LRMDA: variants seen among roughly 807,000 people sequenced by gnomAD.
LRMDA encodes leucine rich melanocyte differentiation associated.
LRMDA carries 18 observed loss-of-function variants against 29.8 expected under a neutral mutation model. The observed-to-expected ratio is 0.60, with a 90% CI of 0.42 to 0.90. LRMDA has a LOEUF of 0.90. Among genes scored for constraint, LRMDA ranks in the 40% least tolerant of loss-of-function variants. The pLI, the probability that LRMDA is intolerant of heterozygous loss-of-function variation, is 0.00. For missense variants in LRMDA, 273 were observed against 273.9 expected (o/e 1.00, Z 0.02); for synonymous variants, 125 against 109.4 (o/e 1.14, Z -0.89).
chr10:75,544,694 T>C (rs1049309926), intron 2 of LRMDA, among the ~76,000 whole-genome samples: 8 of 152,200 alleles, frequency 5.3e-5, no homozygotes, highest in Admixed American at 2.6e-4. Flanking sequence ...TTTCTTGTTT[T>C]TTTTTTCTGC....
chr10:76,064,612 C>T (rs749587695), intron 5 of LRMDA, among the ~76,000 whole-genome samples: 1 of 152,134 alleles, frequency 6.6e-6, no homozygotes, highest in Non-Finnish European at 1.5e-5. Flanking sequence ...AACTACACTG[C>T]GTATGTCTTT....
intron 2 of LRMDA, among the ~76,000 whole-genome samples, chr10:75,755,573 A>G (rs1843022109): frequency 6.6e-6 from 1 of 152,260 alleles, no homozygotes; most frequent in African/African-American, 2.4e-5. Flanking sequence ...CTGCTGTGCT[A>G]TGACTTGGGA....
chr10:75,777,560 G>A (rs1282371268), intron 2 of LRMDA, among the ~76,000 whole-genome samples: 1 of 152,228 alleles, frequency 6.6e-6, no homozygotes, highest in African/African-American at 2.4e-5. Context: ...CTGTTTAGGT[G>A]TGTGAGCCAC....
At chr10:76,069,628 G>A (rs1470793332) in intron 5 of LRMDA, among the ~76,000 whole-genome samples, 3 of 150,000 alleles carry the variant, frequency 2.0e-5, no homozygotes, top group East Asian at 1.9e-4. Context: ...TTTTTGAAGT[G>A]GGGGATATGT....
intron 5 of LRMDA, among the ~76,000 whole-genome samples, chr10:76,277,790 C>T (rs1002540114): frequency 1.3e-5 from 2 of 152,172 alleles, no homozygotes; most frequent in Non-Finnish European, 2.9e-5. Flanking sequence ...TCTGTAGCTT[C>T]AGAAAATGGG....
intron 2 of LRMDA, among the ~76,000 whole-genome samples, chr10:75,782,428 T>A (rs1843399016): frequency 6.6e-6 from 1 of 152,208 alleles, no homozygotes; most frequent in Non-Finnish European, 1.5e-5. Context: ...CTTTTATTAT[T>A]ATTTTTTCTT....
chr10:75,788,222 C>T (rs1321982920), intron 2 of LRMDA, among the ~76,000 whole-genome samples: 1 of 152,204 alleles, frequency 6.6e-6, no homozygotes, highest in Non-Finnish European at 1.5e-5. Context: ...ATCAAAATAA[C>T]AGTGGCTTAA....
intron 5 of LRMDA, among the ~76,000 whole-genome samples, chr10:76,138,719 A>G (rs981252002): frequency 1.1e-4 from 16 of 152,288 alleles, no homozygotes; most frequent in African/African-American, 3.6e-4. Flanking sequence ...TACCATTACA[A>G]ATAGATTTAT....
chr10:75,608,129 T>TACACACACAC (rs71477024), intron 2 of LRMDA, among the ~76,000 whole-genome samples: 10 of 89,564 alleles, frequency 1.1e-4, no homozygotes, highest in African/African-American at 3.1e-4. Context: ...TATATATATA[T>TACACACACAC]ACACACACAT....
chr10:75,538,177 AG>A (rs1472767117), intron 2 of LRMDA, among the ~76,000 whole-genome samples: 4 of 152,182 alleles, frequency 2.6e-5, no homozygotes, highest in African/African-American at 9.7e-5. Flanking sequence ...GATACTGATG[AG>A]GCCGCTGCAT....
intron 2 of LRMDA, among the ~76,000 whole-genome samples, chr10:75,912,247 CCTT>C (rs1845855056): frequency 6.6e-6 from 1 of 152,178 alleles, no homozygotes; most frequent in East Asian, 1.9e-4. Context: ...TCACCTAAAT[CCTT>C]CTTCCATCAT....
intron 2 of LRMDA, among the ~76,000 whole-genome samples, chr10:75,569,995 G>T (rs185916597): frequency 4.0e-4 from 61 of 152,322 alleles, no homozygotes; most frequent in Non-Finnish European, 6.9e-4. Flanking sequence ...GGAGACTTTT[G>T]CTTTGCTTTG....
At chr10:76,201,358 G>T (rs147533448) in intron 5 of LRMDA, among the ~76,000 whole-genome samples, 1 of 152,204 alleles carries the variant, frequency 6.6e-6, no homozygotes, top group East Asian at 1.9e-4. Flanking sequence ...CTCCCAAAGT[G>T]CAGGGATTAC....
chr10:76,152,502 G>A (rs941428370), intron 5 of LRMDA, among the ~76,000 whole-genome samples: 10 of 152,030 alleles, frequency 6.6e-5, no homozygotes, highest in African/African-American at 1.2e-4. Context: ...TTTTGTATAC[G>A]TTTTTGTGTG....
At chr10:76,062,391 A>T (rs1361946867) in intron 5 of LRMDA, among the ~76,000 whole-genome samples, 1 of 152,160 alleles carries the variant, frequency 6.6e-6, no homozygotes, top group Non-Finnish European at 1.5e-5. Flanking sequence ...TTCTCGGCTG[A>T]CACAAATGCA....
intron 5 of LRMDA, among the ~76,000 whole-genome samples, chr10:76,155,208 C>G (rs1850516027): frequency 6.6e-6 from 1 of 151,980 alleles, no homozygotes; most frequent in Non-Finnish European, 1.5e-5. Flanking sequence ...ATCACCAGAT[C>G]CAAGCCTTTA....
intron 6 of LRMDA, among the ~76,000 whole-genome samples, chr10:76,376,077 C>A: frequency 6.6e-6 from 1 of 151,896 alleles, no homozygotes. Context: ...GAAGAGTGGG[C>A]TTTTAGTGTA....
intron 5 of LRMDA, among the ~76,000 whole-genome samples, chr10:76,267,166 C>T (rs921058307): frequency 6.6e-6 from 1 of 152,104 alleles, no homozygotes; most frequent in Non-Finnish European, 1.5e-5. Context: ...CTTCCTTTCT[C>T]AGCAAGAATA....
In LRMDA at chr10:76,036,087, T is replaced by C; in HGVS notation, c.211T>C (p.Leu71=). 1 of 1,614,086 alleles carries C rather than the reference T, an allele frequency of 6.2e-7. No individual in the cohort carries two copies. The highest frequency in any genetic ancestry group is 8.5e-7 in the Non-Finnish European group (1 of 1,180,022). Residue 71 remains leucine (L), a synonymous_variant, in exon 3 of 7, where the codon TTG becomes CTG. Transcript: ENST00000611255. ...DNNQLGDDLV[L]PGLPRLHTLT... is the part of the protein sequence containing the mutation. ...CAATCAGCTGGGGGACGACCTTGTG[T>C]TGCCAGGGTTACCCAGACTGCATAC...
Sources: allele counts gnomAD v4.1 joint callset (sites outside exome capture counted in the v4.1 genomes callset), GRCh38; gene constraint gnomAD v4.1.1; transcripts MANE v1.5; gene names NCBI Gene and HGNC (gene_info 2026-07-23, HGNC 2026-07-21).